The following ATG13 variants were observed in gnomAD, a reference collection of about 807,000 sequenced individuals.
ATG13 encodes the protein autophagy related 13, also known as autophagy-related protein 13.
Under a neutral mutation model 65.5 loss-of-function variants are expected in ATG13, and 23 were observed. The observed-to-expected ratio is 0.35, with a 90% CI of 0.25 to 0.50. The LOEUF is 0.50. ATG13 is among the 20% of genes least tolerant of loss of function. The probability of loss-of-function intolerance (pLI) is 0.98; values close to 1 mark genes in which losing one functional copy is unlikely to be tolerated. For synonymous variants in ATG13, 252 were observed against 245.2 expected (o/e 1.03, Z -0.26); for missense variants, 566 against 677.0 (o/e 0.84, Z 1.82).
intron 7 of ATG13, among the ~76,000 whole-genome samples, chr11:46,653,180 C>CTTTTTTTTT (rs1226638713): frequency 3.0e-5 from 4 of 132,672 alleles, no homozygotes; most frequent in Non-Finnish European, 4.8e-5. Context: ...CATTTCTTTT[C>CTTTTTTTTT]TTTTTTTTTT....
chr11:46,668,743 C>G (rs373682905), intron 16 of ATG13, 51 bp from the exon 17 acceptor site: 57 of 1,533,428 alleles, frequency 3.7e-5, no homozygotes, highest in Non-Finnish European at 5.1e-5. Flanking sequence ...TTTACAGTAA[C>G]TTGAATCTGG....
chr11:46,632,625 TCTAC>T (rs2052196676), intron 2 of ATG13, among the ~76,000 whole-genome samples: 2 of 152,092 alleles, frequency 1.3e-5, no homozygotes, highest in African/African-American at 4.8e-5. Context: ...CAGTAAGTAG[TCTAC>T]AAAGTCTGAA....
chr11:46,671,508 C>T (rs964957195), intron 18 of ATG13, among the ~76,000 whole-genome samples: 4 of 152,106 alleles, frequency 2.6e-5, no homozygotes, highest in East Asian at 1.9e-4. Flanking sequence ...GAGGCCGAGG[C>T]GGGTGGATCA....
At chr11:46,639,745 A>G (rs1437367985) in intron 2 of ATG13, among the ~76,000 whole-genome samples, 2 of 152,000 alleles carry the variant, frequency 1.3e-5, no homozygotes, top group South Asian at 2.1e-4. Flanking sequence ...GTCATGGCAC[A>G]GAGAGATGAA....
chr11:46,620,111 A>G (rs939905176), intron 1 of ATG13, among the ~76,000 whole-genome samples: 6 of 151,390 alleles, frequency 4.0e-5, no homozygotes, highest in South Asian at 4.2e-4. Flanking sequence ...GTTTTTTGCA[A>G]TGGAGTTTCA....
At chr11:46,620,667 C>CG (rs1270435265) in intron 1 of ATG13, among the ~76,000 whole-genome samples, 1 of 151,658 alleles carries the variant, frequency 6.6e-6, no homozygotes, top group Non-Finnish European at 1.5e-5. Flanking sequence ...CCCAGCTACT[C>CG]GGGAGGCTGA....
intron 2 of ATG13, among the ~76,000 whole-genome samples, chr11:46,641,682 T>TG (rs1251044850): frequency 1.3e-5 from 2 of 152,150 alleles, no homozygotes; most frequent in African/African-American, 4.8e-5. Flanking sequence ...TGTGGTTATA[T>TG]GGGTGTATAC....
intron 8 of ATG13, 81 bp downstream of exon 8, chr11:46,656,354 A>G (rs2060044476): frequency 7.2e-7 from 1 of 1,389,408 alleles, no homozygotes; most frequent in Non-Finnish European, 1.0e-6. Flanking sequence ...TACTTGTTAT[A>G]ATATGTAGAT....
intron 2 of ATG13, among the ~76,000 whole-genome samples, chr11:46,632,674 G>A (rs540517056): frequency 2.0e-5 from 3 of 151,812 alleles, no homozygotes; most frequent in Non-Finnish European, 2.9e-5. Flanking sequence ...TGTCAGGTCC[G>A]GTACCTCTAT....
intron 11 of ATG13, among the ~76,000 whole-genome samples, chr11:46,661,143 A>G (rs1395056168): frequency 6.6e-6 from 1 of 152,098 alleles, no homozygotes; most frequent in Non-Finnish European, 1.5e-5. Flanking sequence ...CTCCCACCTC[A>G]GTCTCCCAAG....
intron 7 of ATG13, 94 bp downstream of exon 7, chr11:46,650,411 C>T: frequency 6.8e-7 from 1 of 1,478,540 alleles, no homozygotes; most frequent in South Asian, 1.3e-5. Flanking sequence ...ATGTTTTGGA[C>T]AGTTGGTTGG....
chr11:46,639,815 G>A (rs1364484950), intron 2 of ATG13, among the ~76,000 whole-genome samples: 1 of 150,748 alleles, frequency 6.6e-6, no homozygotes, highest in African/African-American at 2.4e-5. Context: ...ACTGTTTGGT[G>A]TCAGCTATTC....
chr11:46,648,957 T>C, intron 5 of ATG13, 180 bp from the exon 6 acceptor site: 1 of 440,630 alleles, frequency 2.3e-6, no homozygotes, highest in Non-Finnish European at 3.9e-6. Flanking sequence ...AAACAAGTCA[T>C]CAAAATAGCA....
At chr11:46,643,852 C>G (rs2056835701) in intron 2 of ATG13, among the ~76,000 whole-genome samples, 1 of 152,070 alleles carries the variant, frequency 6.6e-6, no homozygotes, top group Non-Finnish European at 1.5e-5. Context: ...GGAGAAAGGG[C>G]TTTTGTCAAT....
intron 2 of ATG13, among the ~76,000 whole-genome samples, chr11:46,635,342 G>A (rs1446524418): frequency 6.6e-6 from 1 of 151,982 alleles, no homozygotes; most frequent in South Asian, 2.1e-4. Context: ...CATAATAATT[G>A]TTGTACATAT....
At chr11:46,639,771 C>T (rs941216377) in intron 2 of ATG13, among the ~76,000 whole-genome samples, 3 of 151,472 alleles carry the variant, frequency 2.0e-5, no homozygotes, top group Non-Finnish European at 4.4e-5. Context: ...TATATTCTTA[C>T]ACTGGTTTGG....
chr11:46,618,089 C>T (rs1372767904), intron 1 of ATG13, among the ~76,000 whole-genome samples, 199 bp downstream of exon 1: 2 of 152,150 alleles, frequency 1.3e-5, no homozygotes, highest in Non-Finnish European at 2.9e-5. Context: ...CAGAGAATCC[C>T]CTCCACCCCA....
chr11:46,672,522 G>T lies in ATG13; in HGVS notation c.*190G>T. 6.8e-7 allele frequency: 1 copy of T among 1,464,602 alleles called. No individual in the cohort carries two copies. The allele number at this position is 1,464,602 out of a possible 1,614,324, so 90.7% of individuals were successfully genotyped here. On this transcript the variant is annotated 3_prime_UTR_variant, in exon 19 of 19. Coordinates refer to ENST00000683050, the MANE Select transcript of ATG13 (RefSeq NM_001346311.2). ...GACTCCGTGGCGGCAGTCAAGCCCA[G>T]TGCCCAGTTGGAGAAGACTCACGTG... is the stretch of plus-strand genomic sequence containing the variant.
At chr11:46,643,906 G>T (rs915986207) in intron 2 of ATG13, among the ~76,000 whole-genome samples, 3 of 152,196 alleles carry the variant, frequency 2.0e-5, no homozygotes, top group Admixed American at 6.5e-5. Flanking sequence ...AATTGATTTA[G>T]TGGCCTTTGA....
Sources: allele counts gnomAD v4.1 joint callset (sites outside exome capture counted in the v4.1 genomes callset), GRCh38; gene constraint gnomAD v4.1.1; transcripts MANE v1.5; gene names NCBI Gene and HGNC (gene_info 2026-07-23, HGNC 2026-07-21).